Variants in COL10A1 observed in about 807,000 individuals in gnomAD.
COL10A1 encodes the protein collagen alpha-1(X) chain.
In COL10A1, 10 loss-of-function variants were observed where a neutral mutation model predicts 18.2. That is an observed-to-expected ratio of 0.55 (90% CI 0.34 to 0.93). The LOEUF (loss-of-function observed/expected upper bound fraction) is 0.93. Ranked by LOEUF, COL10A1 falls within the 40% of genes least tolerant of loss-of-function variation. The probability of loss-of-function intolerance (pLI) is 0.02; values close to 1 mark genes in which losing one functional copy is unlikely to be tolerated. For synonymous variants in COL10A1, 330 were observed against 316.6 expected (o/e 1.04, Z -0.45); for missense variants, 897 against 853.5 (o/e 1.05, Z -0.64).
chr6:116,126,427 A>G (rs1310882820), upstream of COL10A1, among the ~76,000 whole-genome samples: 1 of 151,842 alleles, frequency 6.6e-6, no homozygotes, highest in African/African-American at 2.4e-5. Context: ...GAATGATGAT[A>G]CCCCCTTTTT....
chr6:116,207,303 G>A, the COL10A1 span, among the ~76,000 whole-genome samples: 1 of 74,368 alleles, frequency 1.3e-5, no homozygotes, highest in African/African-American at 1.0e-4. Context: ...GATCAATAGA[G>A]TCTATAGCTA....
the COL10A1 span, among the ~76,000 whole-genome samples, chr6:116,216,279 G>A: frequency 6.6e-6 from 1 of 151,920 alleles, no homozygotes; most frequent in Admixed American, 6.6e-5. Flanking sequence ...CAATGAAGCA[G>A]GCAAAATACA....
the COL10A1 span, among the ~76,000 whole-genome samples, chr6:116,202,318 CAGAACAAAGTT>C: frequency 1.3e-5 from 2 of 152,026 alleles, no homozygotes; most frequent in East Asian, 3.9e-4. Flanking sequence ...AGATCAGTAG[CAGAACAAAGTT>C]CCTTCTCAAT....
At chr6:116,189,048 TCA>T in the COL10A1 span, among the ~76,000 whole-genome samples, 1 of 152,102 alleles carries the variant, frequency 6.6e-6, no homozygotes, top group East Asian at 1.9e-4. Context: ...CCTTGTATAT[TCA>T]CAGTTAAAGT....
At chr6:116,135,869 A>ATGTGTATATATATATATGTATGTATG (rs1779585570) in intron 1 of COL10A1, among the ~76,000 whole-genome samples, 1 of 113,412 alleles carries the variant, frequency 8.8e-6, no homozygotes, top group African/African-American at 4.2e-5. Context: ...ATATATATAT[A>ATGTGTATATATATATATGTATGTATG]TATACACACA....
the COL10A1 span, among the ~76,000 whole-genome samples, chr6:116,207,468 T>A: frequency 6.6e-6 from 1 of 151,964 alleles, no homozygotes; most frequent in African/African-American, 2.4e-5. Context: ...TTTTTCAGAT[T>A]TTTTTTCATG....
chr6:116,167,355 G>A, the COL10A1 span, among the ~76,000 whole-genome samples: 4 of 151,844 alleles, frequency 2.6e-5, no homozygotes, highest in Non-Finnish European at 5.9e-5. Flanking sequence ...TGGGACTACA[G>A]GCATGCGCCA....
upstream of COL10A1, among the ~76,000 whole-genome samples, chr6:116,161,433 T>G (rs1780328070): frequency 6.6e-6 from 1 of 151,670 alleles, no homozygotes; most frequent in South Asian, 2.1e-4. Context: ...GAAATAGGGG[T>G]CCAGTTTTAT....
At chr6:116,181,245 T>C in the COL10A1 span, among the ~76,000 whole-genome samples, 15 of 152,106 alleles carry the variant, frequency 9.9e-5, 1 homozygote, top group South Asian at 1.5e-3. Context: ...TAAATAAATA[T>C]AGTAAACATT....
chr6:116,155,736 A>G (rs1780173001), intron 1 of COL10A1, among the ~76,000 whole-genome samples: 1 of 151,130 alleles, frequency 6.6e-6, no homozygotes, highest in Non-Finnish European at 1.5e-5. Flanking sequence ...ACACAAAGAA[A>G]TAATGTACTT....
chr6:116,204,927 T>C, the COL10A1 span, among the ~76,000 whole-genome samples: 1 of 151,930 alleles, frequency 6.6e-6, no homozygotes, highest in Non-Finnish European at 1.5e-5. Flanking sequence ...GGAAAGCAAA[T>C]TGCACAAAAT....
Position 116,121,343 on chromosome 6 carries a change from C to A in COL10A1, c.773G>T (p.Arg258Leu), listed in dbSNP as rs144479322. Residue 258 changes from arginine (R) to leucine (L), a missense_variant, in exon 3 of 3, where the codon CGA becomes CTA. Coordinates refer to ENST00000651968, the MANE Select transcript of COL10A1 (RefSeq NM_000493.4). ...TGGCTTTCCAATGCCTTCTGGCCCT[C>A]GTTCCCCAGGAGGGCCTTGGGGACC... ...PPGPQGPPGERGPEGIGKPGA... is the reference protein window; with the variant it reads ...PPGPQGPPGELGPEGIGKPGA... 2 of 1,613,848 alleles carry A rather than the reference C, an allele frequency of 1.2e-6. No homozygotes were observed. Among genetic ancestry groups the A allele is most frequent in the Non-Finnish European group, 1.7e-6 (2 of 1,179,956 alleles).
intron 1 of COL10A1, among the ~76,000 whole-genome samples, chr6:116,146,521 C>T (rs563276778): frequency 3.3e-5 from 5 of 152,184 alleles, no homozygotes; most frequent in South Asian, 2.1e-4. Flanking sequence ...TTGGAACTTT[C>T]GCCTTAACAA....
chr6:116,214,828 A>G, the COL10A1 span, among the ~76,000 whole-genome samples: 1 of 152,066 alleles, frequency 6.6e-6, no homozygotes, highest in Admixed American at 6.6e-5. Flanking sequence ...AATAAAAAAA[A>G]AAAGAGTTAT....
rs144424564 is a variant in COL10A1 at position 116,120,521 on chromosome 6, G to A, written c.1595C>T (p.Pro532Leu). 17 of 1,613,966 alleles carry A rather than the reference G, an allele frequency of 1.1e-5. No homozygotes were observed. Among genetic ancestry groups the A allele is most frequent in the Non-Finnish European group, 1.4e-5 (16 of 1,180,000 alleles). ...PEGFIKAGQR[P>L]SLSGTPLVSA... ...AACAAGAGGGGTCCCAGAAAGACTG[G>A]GCCTTTGGCCTGCCTTTATAAAACC... Residue 532 changes from proline to leucine, a missense_variant, in exon 3 of 3, where the codon CCC becomes CTC. Pro to Leu is a moderately conservative substitution (Grantham distance 98). Coordinates refer to ENST00000651968, the MANE Select transcript of COL10A1 (RefSeq NM_000493.4).
At chr6:116,129,529 G>A (rs549413415), upstream of COL10A1, among the ~76,000 whole-genome samples, 45 of 152,236 alleles carry the variant, frequency 3.0e-4, no homozygotes, top group African/African-American at 8.9e-4. Context: ...AAGCAAGCTC[G>A]GCCCCCTTTT....
chr6:116,203,960 T>A, the COL10A1 span, among the ~76,000 whole-genome samples: 1 of 151,940 alleles, frequency 6.6e-6, no homozygotes, highest in Non-Finnish European at 1.5e-5. Context: ...AGACGACAGA[T>A]GCCCTGACAC....
At chr6:116,126,883 A>G (rs1779330926), upstream of COL10A1, among the ~76,000 whole-genome samples, 1 of 152,208 alleles carries the variant, frequency 6.6e-6, no homozygotes, top group African/African-American at 2.4e-5. Flanking sequence ...ACTTGCAGTT[A>G]GGAATCATCC....
the COL10A1 span, among the ~76,000 whole-genome samples, chr6:116,204,876 T>C: frequency 6.6e-6 from 1 of 152,006 alleles, no homozygotes; most frequent in Non-Finnish European, 1.5e-5. Flanking sequence ...ATGGCTAGAT[T>C]TAAGTACGTG....
Sources: gnomAD v4.1 joint callset for allele counts (sites outside exome capture counted in the v4.1 genomes callset) on GRCh38, gnomAD v4.1.1 for gene constraint, MANE v1.5 for transcripts, NCBI Gene and HGNC (gene_info 2026-07-23, HGNC 2026-07-21) for gene names.